Variants in COMMD6 observed in about 807,000 individuals in gnomAD.
COMMD6 encodes COMM domain-containing protein 6.
COMMD6 carries 11 observed loss-of-function variants against 13.4 expected under a neutral mutation model. The ratio of observed to expected loss-of-function variants is 0.82; its 90% CI spans 0.52 to 1.36. The LOEUF (loss-of-function observed/expected upper bound fraction) is 1.36, where lower values mean the gene tolerates loss of function less well. Ranked by LOEUF, COMMD6 falls within the 40% of genes most tolerant of loss-of-function variation. The pLI is 0.00. For synonymous variants in COMMD6, 43 were observed against 36.5 expected (o/e 1.18, Z -0.64); for missense variants, 124 against 102.4 (o/e 1.21, Z -0.91).
chr13:75,533,418 A>C (rs2030556884), intron 2 of COMMD6, among the ~76,000 whole-genome samples: 1 of 152,048 alleles, frequency 6.6e-6, no homozygotes, highest in African/African-American at 2.4e-5. Context: ...AAGTACAAAA[A>C]GTAGCCAGGT....
At chr13:75,535,910 T>TG (rs2030648454) in intron 2 of COMMD6, among the ~76,000 whole-genome samples, 1 of 152,038 alleles carries the variant, frequency 6.6e-6, no homozygotes, top group Admixed American at 6.6e-5. Context: ...TTTTAAGAGA[T>TG]GGAGTCTCAC....
rs1376399039 is a variant in COMMD6 at position 75,537,485 on chromosome 13, A to G, written c.54+179T>C. On this transcript the variant is annotated intron_variant, in intron 2 of 3. Transcript: ENST00000682242. The stretch of plus-strand genomic sequence containing the variant: ...GTGGGGAAGAGGAGCTTTCATTACA[A>G]TGGCAACGGCTACCGGCTCAGGTGC... The G allele has an allele frequency of 4.5e-6, 7 of 1,553,670 alleles. 1 individual carries two copies. In the Admixed American group the frequency reaches 9.8e-5, roughly 22 times the overall value.
rs148458058 is a variant in COMMD6 at position 75,533,603 on chromosome 13, T to G, written c.55-3337A>C. 3.4e-3 allele frequency among the ~76,000 whole-genome samples: 504 copies of G among 148,452 alleles called. 1 individual carries two copies. The highest frequency in any genetic ancestry group is 0.012 in the African/African-American group (472 of 40,348). On this transcript the variant is annotated intron_variant, in intron 2 of 3. Coordinates refer to ENST00000682242, the MANE Select transcript of COMMD6 (RefSeq NM_203495.4). The stretch of plus-strand genomic sequence containing the variant: ...AAAAAAAAAAAGAGAGAGAGAGAGA[T>G]ATTCTTCTGGTGGCAGCAGAACACA...
intron 2 of COMMD6, among the ~76,000 whole-genome samples, chr13:75,536,240 A>G (rs1385758795): frequency 6.6e-6 from 1 of 152,234 alleles, no homozygotes; most frequent in African/African-American, 2.4e-5. Context: ...TGTCTGAACT[A>G]AAGAACGTTC....
At chr13:75,549,377 G>T (rs1324361803) in exon 1 of COMMD6, 3 of 173,848 alleles carry the variant, frequency 1.7e-5, no homozygotes, top group Admixed American at 6.3e-5. Flanking sequence ...GCCACCTGGC[G>T]TCTGTCTCAG....
In COMMD6 at chr13:75,525,486, A is replaced by G. The variant is rs1367174975; in HGVS notation, c.*1103T>C. 2 of 152,250 alleles carry G rather than the reference A, an allele frequency of 1.3e-5. No homozygotes were observed. Among genetic ancestry groups the G allele is most frequent in the Non-Finnish European group, 2.9e-5 (2 of 68,058 alleles). 9.4% of individuals were successfully genotyped at this position (152,250 alleles called of 1,614,324 possible). A position where few individuals can be genotyped will look rare whatever the true frequency, so the allele number is the denominator to read the frequency against. ...ACACTGGTTGTGGGAGGGAGAGAGA[A>G]GGGATCTTTGGTTTCTCCTAATTCT... On this transcript the variant is annotated 3_prime_UTR_variant, in exon 4 of 4. Coordinates refer to ENST00000682242, the MANE Select transcript of COMMD6 (RefSeq NM_203495.4).
At chr13:75,545,026 A>G (rs1328291398) in intron 1 of COMMD6, among the ~76,000 whole-genome samples, 1 of 152,066 alleles carries the variant, frequency 6.6e-6, no homozygotes, top group Non-Finnish European at 1.5e-5. Flanking sequence ...AGTGTGGAGA[A>G]TGAGTTCATT....
chr13:75,548,893 C>T (rs1324678358), intron 1 of COMMD6, among the ~76,000 whole-genome samples: 1 of 152,214 alleles, frequency 6.6e-6, no homozygotes, highest in Non-Finnish European at 1.5e-5. Flanking sequence ...CGGGTTGCCT[C>T]TGTTTACCTC....
At chr13:75,539,743 T>C (rs905744104), upstream of COMMD6, among the ~76,000 whole-genome samples, 2 of 152,132 alleles carry the variant, frequency 1.3e-5, no homozygotes, top group African/African-American at 2.4e-5. Flanking sequence ...CACCTAAAAA[T>C]GTCCCTGGCA....
At chr13:75,544,859 G>C (rs185439457) in intron 1 of COMMD6, among the ~76,000 whole-genome samples, 3 of 148,910 alleles carry the variant, frequency 2.0e-5, no homozygotes, top group Non-Finnish European at 4.4e-5. Flanking sequence ...CTGGGAGGCG[G>C]AGGTTGCCAT....
chr13:75,543,104 C>A (rs9543971), upstream of COMMD6, among the ~76,000 whole-genome samples: 8 of 152,082 alleles, frequency 5.3e-5, no homozygotes, highest in Admixed American at 5.2e-4. Flanking sequence ...TACATGTTCT[C>A]ACTTATAAGT....
chr13:75,527,773 G>A, intron 3 of COMMD6: 1 of 1,411,758 alleles, frequency 7.1e-7, no homozygotes, highest in Non-Finnish European at 9.3e-7. Context: ...AATACTGCGT[G>A]ATCTCACTTA....
chr13:75,546,461 A>G (rs1000830205), intron 1 of COMMD6, among the ~76,000 whole-genome samples: 4 of 152,260 alleles, frequency 2.6e-5, no homozygotes, highest in African/African-American at 9.6e-5. Flanking sequence ...TTAGGATGAG[A>G]GAACAGTTTT....
intron 2 of COMMD6, chr13:75,537,380 A>G: frequency 6.4e-7 from 1 of 1,550,956 alleles, no homozygotes; most frequent in Non-Finnish European, 8.7e-7. Context: ...ACTTTAAAAT[A>G]CCGTGTTCCT....
At chr13:75,540,337 C>A (rs1008422800), upstream of COMMD6, among the ~76,000 whole-genome samples, 1 of 98,830 alleles carries the variant, frequency 1.0e-5, no homozygotes, top group Admixed American at 1.2e-4. Flanking sequence ...CACACACACA[C>A]ACACACCCAC....
chr13:75,530,287 A>G, intron 2 of COMMD6, 21 bp from the exon 3 acceptor site: 1 of 1,583,796 alleles, frequency 6.3e-7, no homozygotes, highest in Non-Finnish European at 8.6e-7. Flanking sequence ...ACAGGACAAA[A>G]TAATACATTA....
At chr13:75,534,020 A>G (rs543558145) in intron 2 of COMMD6, among the ~76,000 whole-genome samples, 3 of 151,892 alleles carry the variant, frequency 2.0e-5, no homozygotes, top group East Asian at 1.9e-4. Context: ...CTCAGGCTGG[A>G]GTGCAGTGGC....
At position 75,547,112 on chromosome 13, in the gene COMMD6, T is replaced by C. The variant is rs114633971; in HGVS notation, n.106+2211A>G. Reference sequence around the variant, plus strand: ...ATGTGTATTTTCTCTGTAAGGCACATGAAAGCCTCCTTGGGCTTGGGATTA... The same window carrying C: ...ATGTGTATTTTCTCTGTAAGGCACACGAAAGCCTCCTTGGGCTTGGGATTA... On this transcript the variant is annotated intron_variant and non_coding_transcript_variant, in intron 1 of 2. Coordinates refer to the COMMD6 transcript ENST00000460675. 8.8e-3 allele frequency among the ~76,000 whole-genome samples: 1,339 copies of C among 152,306 alleles called. 18 individuals are homozygous for C. The highest frequency in any genetic ancestry group is 0.029 in the African/African-American group (1,212 of 41,574).
chr13:75,546,100 A>G (rs930981849), intron 1 of COMMD6, among the ~76,000 whole-genome samples: 47 of 152,338 alleles, frequency 3.1e-4, no homozygotes, highest in African/African-American at 1.1e-3. Flanking sequence ...TCATGTACCC[A>G]TTTCAATATA....
Sources: allele counts gnomAD v4.1 joint callset (sites outside exome capture counted in the v4.1 genomes callset), GRCh38; gene constraint gnomAD v4.1.1; transcripts MANE v1.5; gene names NCBI Gene and HGNC (gene_info 2026-07-23, HGNC 2026-07-21).